The following TBL1X variants were observed in gnomAD, a reference collection of about 807,000 sequenced individuals.
The protein encoded by TBL1X is transducin beta like 1 X-linked, also known as F-box-like/WD repeat-containing protein TBL1X.
In TBL1X, 10 loss-of-function variants were observed where a neutral mutation model predicts 50.7. The observed-to-expected ratio is 0.20, with a 90% CI of 0.12 to 0.33. The LOEUF is 0.33. Among genes scored for constraint, TBL1X ranks in the 10% least tolerant of loss-of-function variants. The probability of loss-of-function intolerance (pLI) is 1.00; values close to 1 mark genes in which losing one functional copy is unlikely to be tolerated. For missense variants in TBL1X, 340 were observed against 504.4 expected, an observed-to-expected ratio of 0.67 and a Z score of 3.12; for synonymous variants, 190 against 214.7, an observed-to-expected ratio of 0.88 and a Z score of 1.01.
intron 2 of TBL1X, among the ~76,000 whole-genome samples, chrX:9,572,691 G>T (rs1474424036): frequency 8.9e-6 from 1 of 112,532 alleles, no homozygotes; most frequent in Non-Finnish European, 1.9e-5. Context: ...TATTTACATG[G>T]AATAGTCAAA....
chrX:9,544,810 C>T (rs1376535617), intron 2 of TBL1X, among the ~76,000 whole-genome samples: 1 of 110,653 alleles, frequency 9.0e-6, no homozygotes, highest in Non-Finnish European at 1.9e-5. Context: ...AGGTGATCCA[C>T]CTGCCTTGAC....
chrX:9,658,936 C>T (rs2082880773), intron 5 of TBL1X, among the ~76,000 whole-genome samples: 1 of 111,818 alleles, frequency 8.9e-6, no homozygotes, highest in Admixed American at 9.4e-5. Context: ...GCCCAAGCAG[C>T]TGGGACTATA....
At chrX:9,493,533 G>A (rs957162924) in intron 1 of TBL1X, among the ~76,000 whole-genome samples, 2 of 111,435 alleles carry the variant, frequency 1.8e-5, no homozygotes, top group Non-Finnish European at 3.8e-5. Flanking sequence ...AAGCTGAGGC[G>A]GGCGGATTGC....
intron 2 of TBL1X, among the ~76,000 whole-genome samples, chrX:9,558,276 G>A (rs1402685241): frequency 2.7e-5 from 3 of 112,092 alleles, no homozygotes; most frequent in Non-Finnish European, 3.8e-5. Context: ...CCAGCACTTC[G>A]GGAGGCCGAG....
At chrX:9,703,186 G>C (rs2083185287) in intron 12 of TBL1X, among the ~76,000 whole-genome samples, 1 of 109,615 alleles carries the variant, frequency 9.1e-6, no homozygotes, top group Admixed American at 9.7e-5. Context: ...CTTAATAAGA[G>C]GGTGGGGTTG....
At chrX:9,557,493 A>G (rs1159256982) in intron 2 of TBL1X, among the ~76,000 whole-genome samples, 1 of 110,556 alleles carries the variant, frequency 9.0e-6, no homozygotes, top group African/African-American at 3.3e-5. Flanking sequence ...AGGCGACTGG[A>G]CTGGCGTCTG....
chrX:9,556,219 C>A (rs762914079), intron 2 of TBL1X, among the ~76,000 whole-genome samples: 7 of 99,971 alleles, frequency 7.0e-5, no homozygotes, highest in African/African-American at 2.1e-4. Context: ...ACAAAAAAAA[C>A]AGTACAAAGT....
At chrX:9,626,107 G>A (rs2082691437) in intron 2 of TBL1X, among the ~76,000 whole-genome samples, 1 of 111,616 alleles carries the variant, frequency 9.0e-6, no homozygotes, top group South Asian at 3.8e-4. Context: ...GGGGCAGGGT[G>A]TTAGGGAAGA....
At chrX:9,526,155 GGAGAGAGAGAGAAAA>G (rs1195470444) in intron 2 of TBL1X, among the ~76,000 whole-genome samples, 6 of 105,903 alleles carry the variant, frequency 5.7e-5, no homozygotes, top group African/African-American at 1.7e-4. Context: ...GCGGGGGAGG[GGAGAGAGAGAGAAAA>G]GAGAGAGAGA....
At chrX:9,705,583 T>C (rs760742345) in intron 13 of TBL1X, among the ~76,000 whole-genome samples, 143 of 110,608 alleles carry the variant, frequency 1.3e-3, no homozygotes, top group African/African-American at 4.6e-3. Context: ...AGCAAGACTC[T>C]GTCTCTACAA....
intron 2 of TBL1X, among the ~76,000 whole-genome samples, chrX:9,543,748 GATAGAA>G (rs1218215128): frequency 8.9e-6 from 1 of 111,990 alleles, no homozygotes; most frequent in Non-Finnish European, 1.9e-5. Flanking sequence ...CGGGACAGGT[GATAGAA>G]ATAGAAAATT....
intron 1 of TBL1X, among the ~76,000 whole-genome samples, chrX:9,475,249 TTTTG>T (rs764816847): frequency 1.7e-4 from 19 of 111,474 alleles, no homozygotes; most frequent in East Asian, 8.4e-4. Flanking sequence ...CATTGGTGTT[TTTTG>T]TTTGTTTGTT....
At chrX:9,500,470 C>T (rs1292533919) in intron 1 of TBL1X, among the ~76,000 whole-genome samples, 8 of 110,403 alleles carry the variant, frequency 7.2e-5, no homozygotes, top group African/African-American at 2.6e-4. Context: ...GTGGCGGGTT[C>T]CTGTAATCCC....
chrX:9,610,375 A>C (rs1451780869), intron 2 of TBL1X, among the ~76,000 whole-genome samples: 1 of 112,860 alleles, frequency 8.9e-6, no homozygotes, highest in African/African-American at 3.2e-5. Context: ...TAAATTGGCA[A>C]GCTTACTAAT....
At chrX:9,578,428 A>T (rs2082423592) in intron 2 of TBL1X, among the ~76,000 whole-genome samples, 1 of 111,256 alleles carries the variant, frequency 9.0e-6, no homozygotes, top group Non-Finnish European at 1.9e-5. Flanking sequence ...TGGCACTGGT[A>T]TTGAGAAGCA....
chrX:9,592,484 C>T (rs192146853), intron 2 of TBL1X, among the ~76,000 whole-genome samples: 3 of 112,038 alleles, frequency 2.7e-5, no homozygotes, highest in East Asian at 2.8e-4. Context: ...GTAAGATATA[C>T]ATTACGTAAT....
At chrX:9,585,328 A>ACCCCCCCCCCCCCCCC (rs1262756915) in intron 2 of TBL1X, among the ~76,000 whole-genome samples, 2 of 54,646 alleles carry the variant, frequency 3.7e-5, no homozygotes, top group Non-Finnish European at 6.5e-5. Context: ...GCTCCATGCC[A>ACCCCCCCCCCCCCCCC]CCCCCCTCCC....
At chrX:9,598,261 TGGG>T (rs1328859311) in intron 2 of TBL1X, among the ~76,000 whole-genome samples, 1 of 111,910 alleles carries the variant, frequency 8.9e-6, no homozygotes, top group East Asian at 2.8e-4. Context: ...TTTGTTATGT[TGGG>T]CCTATGAAAT....
At chrX:9,484,070 A>C in intron 1 of TBL1X, among the ~76,000 whole-genome samples, 1 of 111,972 alleles carries the variant, frequency 8.9e-6, no homozygotes, top group Non-Finnish European at 1.9e-5. Context: ...AGGTCTCACT[A>C]TGTTGCCCAG....
Sources: allele counts gnomAD v4.1 joint callset (sites outside exome capture counted in the v4.1 genomes callset), GRCh38; gene constraint gnomAD v4.1.1; transcripts MANE v1.5; gene names NCBI Gene and HGNC (gene_info 2026-07-23, HGNC 2026-07-21).